The following SYT6 variants were observed in gnomAD, a reference collection of about 807,000 sequenced individuals.
SYT6 encodes the protein synaptotagmin 6.
SYT6 carries 24 observed loss-of-function variants against 38.4 expected under a neutral mutation model. That is an observed-to-expected ratio of 0.62 (90% CI 0.45 to 0.88). The LOEUF is 0.88. Ranked by LOEUF, SYT6 falls within the 40% of genes least tolerant of loss-of-function variation. SYT6 has a pLI of 0.00. For missense variants in SYT6, 611 were observed against 621.0 expected, an observed-to-expected ratio of 0.98 and a Z score of 0.17; for synonymous variants, 265 against 241.9, an observed-to-expected ratio of 1.10 and a Z score of -0.89.
At position 114,138,438 on chromosome 1, in the gene SYT6, A is replaced by G. The variant is rs193105200; in HGVS notation, c.513-385T>C. ...GAAGGACCATCCCTTCTTATCCTCA[A>G]TGTGGCACCCACTTCATCACCATCA... On this transcript the variant is annotated intron_variant, in intron 2 of 7. Transcript: ENST00000610222. Among the ~76,000 whole-genome samples the G allele has an allele frequency of 2.5e-3, 388 of 152,240 alleles. 1 individual carries two copies. Among genetic ancestry groups the G allele is most frequent in the African/African-American group, 8.6e-3 (358 of 41,528 alleles).
intron 3 of SYT6, among the ~76,000 whole-genome samples, chr1:114,126,178 G>T (rs549697049): frequency 6.6e-6 from 1 of 152,170 alleles, no homozygotes; most frequent in Admixed American, 6.5e-5. Context: ...CCCAAGCAAG[G>T]TGTGAGACTT....
intron 3 of SYT6, among the ~76,000 whole-genome samples, chr1:114,120,457 C>A (rs1677321151): frequency 6.6e-6 from 1 of 152,172 alleles, no homozygotes; most frequent in South Asian, 2.1e-4. Context: ...TCGCTGGATT[C>A]CAGAATTTCA....
intron 1 of SYT6, among the ~76,000 whole-genome samples, chr1:114,143,788 T>C (rs368731071): frequency 1.3e-5 from 2 of 152,158 alleles, no homozygotes; most frequent in African/African-American, 4.8e-5. Flanking sequence ...TGTGATTGGT[T>C]TGGAGGTGGG....
chr1:114,117,896 G>C (rs750292143), intron 3 of SYT6, among the ~76,000 whole-genome samples: 1 of 152,196 alleles, frequency 6.6e-6, no homozygotes, highest in Non-Finnish European at 1.5e-5. Flanking sequence ...AGGGTGAACC[G>C]TGAAGCCCAA....
chr1:114,122,652 T>A (rs1677485774), intron 3 of SYT6, among the ~76,000 whole-genome samples: 1 of 152,176 alleles, frequency 6.6e-6, no homozygotes, highest in South Asian at 2.1e-4. Context: ...GTTTCTCTGG[T>A]AAAAATTCTC....
chr1:114,129,597 TTTC>T (rs1677986314), intron 3 of SYT6, among the ~76,000 whole-genome samples: 1 of 109,410 alleles, frequency 9.1e-6, no homozygotes, highest in Non-Finnish European at 1.9e-5. Flanking sequence ...TCTTTCTTTC[TTTC>T]TTTCTTTCTT....
chr1:114,142,017 G>C (rs887760510), intron 1 of SYT6, among the ~76,000 whole-genome samples: 1 of 152,206 alleles, frequency 6.6e-6, no homozygotes, highest in African/African-American at 2.4e-5. Context: ...GTCACCCAAA[G>C]GCTCTGATGC....
intron 1 of SYT6, among the ~76,000 whole-genome samples, chr1:114,144,356 G>A (rs928584050): frequency 2.6e-5 from 4 of 152,202 alleles, no homozygotes; most frequent in Non-Finnish European, 5.9e-5. Flanking sequence ...AAGTAGTGAG[G>A]CCAGGCTGTG....
At chr1:114,134,820 C>A (rs369362763) in intron 3 of SYT6, among the ~76,000 whole-genome samples, 1 of 152,130 alleles carries the variant, frequency 6.6e-6, no homozygotes, top group Non-Finnish European at 1.5e-5. Context: ...CTGTTGGCTG[C>A]GCTCATCTCA....
At chr1:114,123,348 T>C (rs1557751146) in intron 3 of SYT6, among the ~76,000 whole-genome samples, 1 of 152,202 alleles carries the variant, frequency 6.6e-6, no homozygotes, top group African/African-American at 2.4e-5. Flanking sequence ...ACTACAGAGA[T>C]GTGAGTCAAC....
intron 1 of SYT6, among the ~76,000 whole-genome samples, chr1:114,143,132 A>ATGTATG (rs1220262454): frequency 2.1e-5 from 3 of 146,338 alleles, no homozygotes; most frequent in African/African-American, 7.8e-5. Context: ...ATATATTCAC[A>ATGTATG]TATATGTATA....
At chr1:114,118,804 G>A (rs1037226761) in intron 3 of SYT6, among the ~76,000 whole-genome samples, 1 of 152,182 alleles carries the variant, frequency 6.6e-6, no homozygotes, top group Non-Finnish European at 1.5e-5. Flanking sequence ...GCCATCTCCT[G>A]TCGGTGTCAG....
At chr1:114,118,989 T>C (rs555972188) in intron 3 of SYT6, among the ~76,000 whole-genome samples, 1 of 152,226 alleles carries the variant, frequency 6.6e-6, no homozygotes, top group Non-Finnish European at 1.5e-5. Context: ...ACCATTGTTC[T>C]GCAGGGCATC....
At chr1:114,143,186 A>G (rs1016126493) in intron 1 of SYT6, among the ~76,000 whole-genome samples, 2 of 141,856 alleles carry the variant, frequency 1.4e-5, no homozygotes, top group Non-Finnish European at 3.0e-5. Flanking sequence ...AGACTACAGT[A>G]TATTTTATAC....
At chr1:114,119,598 G>A (rs1466941637) in intron 3 of SYT6, among the ~76,000 whole-genome samples, 1 of 152,212 alleles carries the variant, frequency 6.6e-6, no homozygotes, top group Non-Finnish European at 1.5e-5. Context: ...ACGTTAAAGA[G>A]TGGGGAGATA....
intron 3 of SYT6, among the ~76,000 whole-genome samples, chr1:114,129,335 G>A (rs1359107238): frequency 6.6e-6 from 1 of 152,118 alleles, no homozygotes; most frequent in East Asian, 1.9e-4. Flanking sequence ...ACTGTGTACA[G>A]TAGTCTAGTC....
rs374072146 is a variant in SYT6 at position 114,099,122 on chromosome 1, G to A, written c.1336C>T (p.Leu446=). ...IPPENMDQVS[L]LISVMDYDRV... ...TCATAGTCCATGACTGAGATGAGCAGGCTGACTTGATCCATGTTTTCCGGG... is the reference window on the plus strand; with the variant it reads ...TCATAGTCCATGACTGAGATGAGCAAGCTGACTTGATCCATGTTTTCCGGG... The change falls in exon 5 of 8, where the codon CTG becomes TTG. Residue 446 remains leucine (L), a synonymous_variant. Coordinates refer to ENST00000610222, the MANE Select transcript of SYT6 (RefSeq NM_001253772.2). 25 of 1,613,806 alleles carry A rather than the reference G, an allele frequency of 1.5e-5. No homozygotes were observed. In the African/African-American group the frequency reaches 2.0e-4, roughly 13 times the overall value.
intron 1 of SYT6, among the ~76,000 whole-genome samples, chr1:114,143,139 T>C (rs1180668561): frequency 1.3e-5 from 2 of 149,698 alleles, no homozygotes; most frequent in African/African-American, 4.9e-5. Context: ...CACATATATG[T>C]ATATATACAT....
At chr1:114,094,712 A>G (rs1036023086) in intron 6 of SYT6, among the ~76,000 whole-genome samples, 1 of 152,262 alleles carries the variant, frequency 6.6e-6, no homozygotes, top group African/African-American at 2.4e-5. Flanking sequence ...GAAAGGTTCA[A>G]GATAAATACA....
Sources: gnomAD v4.1 joint callset for allele counts (sites outside exome capture counted in the v4.1 genomes callset) on GRCh38, gnomAD v4.1.1 for gene constraint, MANE v1.5 for transcripts, NCBI Gene and HGNC (gene_info 2026-07-23, HGNC 2026-07-21) for gene names.